Variants in EGFR observed in about 807,000 individuals in gnomAD.
EGFR encodes the protein epidermal growth factor receptor.
Under a neutral mutation model 143.0 loss-of-function variants are expected in EGFR, and 58 were observed. The observed-to-expected ratio is 0.41, with a 90% confidence interval of 0.33 to 0.50. The LOEUF (loss-of-function observed/expected upper bound fraction) is 0.50. EGFR is among the 20% of genes least tolerant of loss of function. The pLI is 0.39. For synonymous variants in EGFR, 613 were observed against 594.4 expected, an observed-to-expected ratio of 1.03 and a Z score of -0.45; for missense variants, 1,307 against 1,579.0, an observed-to-expected ratio of 0.83 and a Z score of 2.92.
At chr7:55,173,808 C>T (rs980403398) in intron 17 of EGFR, 113 bp from the exon 18 acceptor site, 1 of 1,558,482 alleles carries the variant, frequency 6.4e-7, no homozygotes, top group South Asian at 1.1e-5. Flanking sequence ...CGTGTCCTGG[C>T]ACCCAAGCCC....
chr7:55,159,204 C>G (rs934856690), intron 11 of EGFR, among the ~76,000 whole-genome samples: 1 of 152,148 alleles, frequency 6.6e-6, no homozygotes, highest in Non-Finnish European at 1.5e-5. Context: ...CCATCGTGGT[C>G]TGGCAGAGGC....
chr7:55,078,983 A>C (rs575641441), intron 1 of EGFR, among the ~76,000 whole-genome samples: 3 of 152,128 alleles, frequency 2.0e-5, no homozygotes, highest in East Asian at 1.9e-4. Context: ...GGGTACTTCT[A>C]TTCCGTTTGG....
intron 1 of EGFR, among the ~76,000 whole-genome samples, chr7:55,046,267 T>G (rs1285154220): frequency 6.6e-6 from 1 of 152,238 alleles, no homozygotes; most frequent in East Asian, 1.9e-4. Context: ...CTTTTGCGGC[T>G]GTGTTTCTCT....
chr7:55,094,682 T>C (rs544402324), intron 1 of EGFR, among the ~76,000 whole-genome samples: 2 of 152,378 alleles, frequency 1.3e-5, no homozygotes, highest in South Asian at 4.1e-4. Context: ...TGCATTTACA[T>C]GGACATCACA....
intron 14 of EGFR, 29 bp from the exon 15 acceptor site, chr7:55,165,251 C>T (rs200251406): frequency 6.2e-7 from 1 of 1,613,794 alleles, no homozygotes; most frequent in Non-Finnish European, 8.5e-7. Context: ...AAGAGACATG[C>T]ATGAACATTT....
Position 55,198,842 on chromosome 7 carries a change from G to T in EGFR, c.2827G>T (p.Val943Phe). 6.2e-7 allele frequency: 1 copy of T among 1,614,216 alleles called. No homozygotes were observed. The highest frequency in any genetic ancestry group is 8.5e-7 in the Non-Finnish European group (1 of 1,180,038). Residue 943 changes from valine (V) to phenylalanine (F), a missense_variant, in exon 23 of 28, where the codon GTC (valine) becomes TTC (phenylalanine). Around this residue, in one of 7 missense-constraint regions of EGFR, gnomAD observed 348 missense variants for 451.5 expected, o/e 0.77. Transcript: ENST00000275493. Reference sequence around the variant, plus strand: ...TCAGCCACCCATATGTACCATCGATGTCTACATGATCATGGTCAAGTGTGA... The same window carrying T: ...TCAGCCACCCATATGTACCATCGATTTCTACATGATCATGGTCAAGTGTGA... ...LPQPPICTID[V>F]YMIMVKCWMI... is the part of the protein sequence containing the mutation.
chr7:55,108,118 G>C (rs1792247087), intron 1 of EGFR, among the ~76,000 whole-genome samples: 1 of 152,202 alleles, frequency 6.6e-6, no homozygotes, highest in Non-Finnish European at 1.5e-5. Flanking sequence ...GCTGCAGTGT[G>C]ACTCATTCCA....
chr7:55,087,910 G>T (rs1180573034), intron 1 of EGFR, among the ~76,000 whole-genome samples: 1 of 152,182 alleles, frequency 6.6e-6, no homozygotes, highest in East Asian at 1.9e-4. Flanking sequence ...AGTGACATGA[G>T]TCACTTTGGG....
At chr7:55,139,764 C>T (rs970267912) in intron 1 of EGFR, among the ~76,000 whole-genome samples, 1 of 152,142 alleles carries the variant, frequency 6.6e-6, no homozygotes. Context: ...CCTCAGAATA[C>T]GTTTCCCAAA....
chr7:55,138,987 G>A (rs66512445), intron 1 of EGFR, among the ~76,000 whole-genome samples: 36,418 of 152,066 alleles, frequency 0.24, 4,648 homozygotes, highest in Admixed American at 0.29. Flanking sequence ...ACTCACTCCC[G>A]TGATAGCTAA....
At chr7:55,034,832 AC>A (rs1203175885) in intron 1 of EGFR, among the ~76,000 whole-genome samples, 1 of 152,258 alleles carries the variant, frequency 6.6e-6, no homozygotes, top group Admixed American at 6.5e-5. Context: ...GAAACACCAA[AC>A]ATGGAAAAGC....
rs547588444 is a variant in EGFR, at chr7:55,026,629, C to T, written c.88+7264C>T. On this transcript the variant is annotated intron_variant, in intron 1 of 27. Transcript: ENST00000275493. ...CCTCCAGCAGGGAAGATGCCAGTCT[C>T]GGGATAACCTCTCTCTGGCCGGAAA... is the stretch of plus-strand genomic sequence containing the variant. Among the ~76,000 whole-genome samples, 10 of 152,316 alleles carry T rather than the reference C, an allele frequency of 6.6e-5. No individual in the cohort carries two copies. In the East Asian group the frequency reaches 1.9e-3, roughly 29 times the overall value.
intron 1 of EGFR, among the ~76,000 whole-genome samples, chr7:55,129,933 G>A (rs556740068): frequency 1.3e-5 from 2 of 152,276 alleles, no homozygotes; most frequent in South Asian, 2.1e-4. Flanking sequence ...TGTGGGTCAC[G>A]CCTAGCCTGC....
At position 55,058,318 on chromosome 7, in the gene EGFR, C is replaced by T. The variant is rs987348162; in HGVS notation, c.88+38953C>T. Among the ~76,000 whole-genome samples, 12 of 151,770 alleles carry T rather than the reference C, an allele frequency of 7.9e-5. No individual in the cohort carries two copies. The East Asian group carries it at 1.2e-3, about 15-fold the overall frequency. On this transcript the variant is annotated intron_variant, in intron 1 of 27. Transcript: ENST00000275493. ...CTGAGGCAGGAAAATTGCTTGAACG[C>T]GGGAGGCGGAGTTTGCAGTGAACAG...
chr7:55,051,075 C>T (rs1265387505), intron 1 of EGFR, among the ~76,000 whole-genome samples: 1 of 152,172 alleles, frequency 6.6e-6, no homozygotes, highest in African/African-American at 2.4e-5. Flanking sequence ...GCTAGAACTT[C>T]TGCAAGTGAG....
intron 1 of EGFR, among the ~76,000 whole-genome samples, chr7:55,038,976 C>T (rs1376446356): frequency 6.6e-6 from 1 of 151,638 alleles, no homozygotes; most frequent in Non-Finnish European, 1.5e-5. Context: ...TTTACAGTGG[C>T]AGAGGAGGGT....
chr7:55,113,224 A>G lies in EGFR; in HGVS notation c.89-29062A>G, dbSNP rs557613008. Among the ~76,000 whole-genome samples, 6 of 152,248 alleles carry G rather than the reference A, an allele frequency of 3.9e-5. No individual in the cohort carries two copies. In the South Asian group the frequency reaches 1.2e-3, roughly 32 times the overall value. On this transcript the variant is annotated intron_variant, in intron 1 of 27. Transcript: ENST00000275493. ...ATGAAAACAACTCCCTTCCCTAAAC[A>G]TTCTAGTAATGACCCAACACTGCCA...
At chr7:55,020,345 G>T (rs1192975307) in intron 1 of EGFR, among the ~76,000 whole-genome samples, 1 of 152,242 alleles carries the variant, frequency 6.6e-6, no homozygotes, top group Non-Finnish European at 1.5e-5. Flanking sequence ...TGGGCTTCGC[G>T]GTGGAGCGGG....
At chr7:55,048,248 C>T (rs1483303678) in intron 1 of EGFR, among the ~76,000 whole-genome samples, 6 of 152,242 alleles carry the variant, frequency 3.9e-5, no homozygotes, top group African/African-American at 9.6e-5. Context: ...TGCTCTGGGA[C>T]GAGGCATCTG....
Sources: allele counts gnomAD v4.1 joint callset (sites outside exome capture counted in the v4.1 genomes callset), GRCh38; gene constraint gnomAD v4.1.1; regional missense constraint gnomAD v4.1.1; transcripts MANE v1.5; gene names NCBI Gene and HGNC (gene_info 2026-07-23, HGNC 2026-07-21).